The following SAMD5 variants were observed in gnomAD, a reference collection of about 807,000 sequenced individuals.
SAMD5 encodes the protein sterile alpha motif domain-containing protein 5.
SAMD5 carries 13 observed loss-of-function variants against 11.3 expected under a neutral mutation model. That is an observed-to-expected ratio of 1.15 (90% CI 0.75 to 1.83). The LOEUF (loss-of-function observed/expected upper bound fraction) is 1.83, where lower values mean the gene tolerates loss of function less well. Among genes scored for constraint, SAMD5 ranks in the 40% most tolerant of loss-of-function variants. SAMD5 has a pLI of 0.00. For missense variants in SAMD5, 255 were observed against 239.1 expected, an observed-to-expected ratio of 1.07 and a Z score of -0.44; for synonymous variants, 129 against 111.3, an observed-to-expected ratio of 1.16 and a Z score of -1.00.
At chr6:147,846,380 C>G in the SAMD5 span, among the ~76,000 whole-genome samples, 2 of 152,112 alleles carry the variant, frequency 1.3e-5, no homozygotes, top group African/African-American at 2.4e-5. Context: ...ACATGTATAA[C>G]TACTGAGATC....
At chr6:147,927,245 G>T in the SAMD5 span, among the ~76,000 whole-genome samples, 253 of 152,238 alleles carry the variant, frequency 1.7e-3, 3 homozygotes, top group East Asian at 6.6e-3. Flanking sequence ...TCCGTAAATT[G>T]CTTTGGCCAT....
chr6:147,583,776 A>G (rs756925566), intron 1 of SAMD5, among the ~76,000 whole-genome samples: 1 of 151,894 alleles, frequency 6.6e-6, no homozygotes, highest in East Asian at 1.9e-4. Context: ...CTGTTGGTCT[A>G]GAATGAGTGA....
At chr6:147,768,940 C>T in the SAMD5 span, among the ~76,000 whole-genome samples, 1 of 152,094 alleles carries the variant, frequency 6.6e-6, no homozygotes, top group Admixed American at 6.5e-5. Context: ...ACTACAGGTG[C>T]GTGCCACCAT....
chr6:147,860,167 A>G, the SAMD5 span, among the ~76,000 whole-genome samples: 1 of 152,116 alleles, frequency 6.6e-6, no homozygotes, highest in Non-Finnish European at 1.5e-5. Context: ...TGGTTGCTGG[A>G]AACCCTTGGC....
At chr6:147,791,996 T>C in the SAMD5 span, among the ~76,000 whole-genome samples, 1 of 152,224 alleles carries the variant, frequency 6.6e-6, no homozygotes, top group African/African-American at 2.4e-5. Context: ...GTGTAAATAC[T>C]GTATATGACA....
At chr6:147,754,810 A>C in the SAMD5 span, among the ~76,000 whole-genome samples, 2 of 152,114 alleles carry the variant, frequency 1.3e-5, no homozygotes, top group African/African-American at 4.8e-5. Flanking sequence ...CCATTTATTG[A>C]TGAGACAGTC....
the SAMD5 span, among the ~76,000 whole-genome samples, chr6:147,780,839 C>A: frequency 6.6e-6 from 1 of 152,134 alleles, no homozygotes; most frequent in Non-Finnish European, 1.5e-5. Context: ...TGTTTTGGGA[C>A]TTGAGACCTT....
At chr6:147,869,626 TA>T in the SAMD5 span, among the ~76,000 whole-genome samples, 1,202 of 152,270 alleles carry the variant, frequency 7.9e-3, 13 homozygotes, top group Middle Eastern at 0.037. Context: ...ATTTAAAAAG[TA>T]AAAAACAAAC....
At chr6:147,830,621 T>C in the SAMD5 span, among the ~76,000 whole-genome samples, 1 of 152,158 alleles carries the variant, frequency 6.6e-6, no homozygotes. Flanking sequence ...TGAACTTTGT[T>C]TATTTGTTTT....
chr6:147,946,331 T>A, the SAMD5 span, among the ~76,000 whole-genome samples: 1 of 152,218 alleles, frequency 6.6e-6, no homozygotes, highest in Admixed American at 6.5e-5. Flanking sequence ...GTTGTTTTTG[T>A]AAGTATCTGA....
chr6:147,685,316 C>A (rs1308100027), intron 1 of SAMD5, among the ~76,000 whole-genome samples: 1 of 152,140 alleles, frequency 6.6e-6, no homozygotes, highest in Non-Finnish European at 1.5e-5. Context: ...CTTGACTCAG[C>A]CTCCTGAGTA....
At chr6:147,942,639 G>C in the SAMD5 span, among the ~76,000 whole-genome samples, 2 of 152,280 alleles carry the variant, frequency 1.3e-5, no homozygotes, top group African/African-American at 4.8e-5. Flanking sequence ...TTGGCTAAGA[G>C]GCTCCTGTGG....
chr6:147,628,893 C>T (rs1404282060), intron 1 of SAMD5, among the ~76,000 whole-genome samples: 2 of 152,124 alleles, frequency 1.3e-5, no homozygotes, highest in Admixed American at 1.3e-4. Context: ...ACATTCATGA[C>T]AATCTAGAAT....
At chr6:147,742,313 G>A (rs1791891357), downstream of SAMD5, among the ~76,000 whole-genome samples, 1 of 151,976 alleles carries the variant, frequency 6.6e-6, no homozygotes, top group East Asian at 1.9e-4. Context: ...AGTGGAAGTT[G>A]CCTGCTATGG....
At chr6:147,943,366 C>A in the SAMD5 span, among the ~76,000 whole-genome samples, 2 of 152,094 alleles carry the variant, frequency 1.3e-5, no homozygotes, top group African/African-American at 4.8e-5. Flanking sequence ...ATTTGCTGCT[C>A]TAAGCTTCAA....
intron 1 of SAMD5, among the ~76,000 whole-genome samples, chr6:147,588,581 C>T (rs949778990): frequency 4.6e-5 from 7 of 152,056 alleles, no homozygotes; most frequent in African/African-American, 1.7e-4. Flanking sequence ...CTGCCTCAGC[C>T]TCCCAAAGTG....
intron 1 of SAMD5, among the ~76,000 whole-genome samples, chr6:147,697,299 T>C (rs1424777647): frequency 6.6e-6 from 1 of 152,190 alleles, no homozygotes; most frequent in Non-Finnish European, 1.5e-5. Context: ...CCTAAATACA[T>C]GGAGAATTTC....
chr6:147,828,219 T>C, the SAMD5 span, among the ~76,000 whole-genome samples: 20,019 of 152,236 alleles, frequency 0.13, 1,450 homozygotes, highest in Middle Eastern at 0.17. Flanking sequence ...TGAACTGAAT[T>C]AAAGTGGACC....
the SAMD5 span, among the ~76,000 whole-genome samples, chr6:147,924,470 G>A: frequency 1.3e-5 from 2 of 152,100 alleles, no homozygotes; most frequent in African/African-American, 2.4e-5. Flanking sequence ...TCATGTGTGT[G>A]CCATGTGCTT....
Sources: gnomAD v4.1 joint callset for allele counts (sites outside exome capture counted in the v4.1 genomes callset) on GRCh38, gnomAD v4.1.1 for gene constraint, MANE v1.5 for transcripts, NCBI Gene and HGNC (gene_info 2026-07-23, HGNC 2026-07-21) for gene names.